The following CFAP43 variants were observed in gnomAD, a reference collection of about 807,000 sequenced individuals.
The protein encoded by CFAP43 is cilia- and flagella-associated protein 43.
A neutral mutation model predicts 218.9 loss-of-function variants in CFAP43; 155 were observed. The ratio of observed to expected loss-of-function variants is 0.71; its 90% CI spans 0.62 to 0.81. The LOEUF is 0.81. CFAP43 is among the 30% of genes least tolerant of loss of function. The pLI, the probability that CFAP43 is intolerant of heterozygous loss-of-function variation, is 0.00. For missense variants in CFAP43, 1,778 were observed against 1,954.3 expected (o/e 0.91, Z 1.70); for synonymous variants, 645 against 681.3 (o/e 0.95, Z 0.83).
At chr10:104,220,576 C>CAA (rs35218590) in intron 3 of CFAP43, among the ~76,000 whole-genome samples, 20 of 147,672 alleles carry the variant, frequency 1.4e-4, no homozygotes, top group African/African-American at 3.0e-4. Flanking sequence ...GCTATAAGAA[C>CAA]AAAAAAAAAA....
intron 3 of CFAP43, among the ~76,000 whole-genome samples, chr10:104,218,440 G>A (rs1382603156): frequency 1.3e-5 from 2 of 151,560 alleles, no homozygotes; most frequent in East Asian, 3.9e-4. Flanking sequence ...TTCTTCCAAG[G>A]TAATAATGTG....
At chr10:104,141,680 A>G (rs2087713013) in intron 33 of CFAP43, among the ~76,000 whole-genome samples, 1 of 152,192 alleles carries the variant, frequency 6.6e-6, no homozygotes, top group Non-Finnish European at 1.5e-5. Flanking sequence ...TTCTGATACT[A>G]TACTAACAAT....
At chr10:104,160,732 A>G (rs542814972) in intron 27 of CFAP43, among the ~76,000 whole-genome samples, 36 of 152,358 alleles carry the variant, frequency 2.4e-4, no homozygotes, top group African/African-American at 7.7e-4. Flanking sequence ...TGACTTGAAC[A>G]TGTTGTATTA....
chr10:104,179,915 A>G lies in CFAP43; in HGVS notation c.2307T>C (p.Thr769=). The change falls in exon 18 of 38, where the codon ACT becomes ACC. Residue 769 remains threonine, a synonymous_variant. Coordinates refer to ENST00000357060, the MANE Select transcript of CFAP43 (RefSeq NM_025145.7). ...GAACTAATTCATCTTGTGATAAGTC[A>G]GTGCTTGCCTTCTGTTTCTGATACA... The part of the protein sequence containing the change: ...DSEHTKQKAS[T]DLSQDELVLT... The G allele has an allele frequency of 6.2e-7, 1 of 1,613,564 alleles. No homozygotes were observed. The highest frequency in any genetic ancestry group is 8.5e-7 in the Non-Finnish European group (1 of 1,179,784).
intron 36 of CFAP43, 47 bp downstream of exon 36, chr10:104,132,069 T>C (rs775768099): frequency 2.9e-6 from 4 of 1,392,518 alleles, no homozygotes; most frequent in Non-Finnish European, 3.9e-6. Flanking sequence ...TTTGCTCAAA[T>C]GATTTACAAC....
chr10:104,206,641 C>T (rs2090698507), intron 6 of CFAP43, among the ~76,000 whole-genome samples: 1 of 152,118 alleles, frequency 6.6e-6, no homozygotes, highest in South Asian at 2.1e-4. Context: ...TGAAGTCCAT[C>T]CTAAAGTTGT....
At chr10:104,142,450 C>T in intron 32 of CFAP43, 57 bp from the exon 33 acceptor site, 1 of 1,322,736 alleles carries the variant, frequency 7.6e-7, no homozygotes, top group South Asian at 1.3e-5. Flanking sequence ...TTTTAGACAA[C>T]ATACATCTTT....
chr10:104,186,797 TAGAC>T (rs1283541702), intron 14 of CFAP43, among the ~76,000 whole-genome samples: 2 of 152,030 alleles, frequency 1.3e-5, no homozygotes, highest in African/African-American at 4.8e-5. Context: ...TCAAAGTGGG[TAGAC>T]AGACATCAAG....
chr10:104,181,681 CT>C (rs1056294646), intron 17 of CFAP43, among the ~76,000 whole-genome samples: 2 of 152,194 alleles, frequency 1.3e-5, no homozygotes, highest in African/African-American at 4.8e-5. Flanking sequence ...ACGCCAAGCT[CT>C]TTCCCCCTTT....
At chr10:104,135,712 G>T (rs1048741377) in intron 34 of CFAP43, among the ~76,000 whole-genome samples, 1 of 151,986 alleles carries the variant, frequency 6.6e-6, no homozygotes, top group Non-Finnish European at 1.5e-5. Flanking sequence ...ATTACTGAAA[G>T]AATATAAAGA....
rs2087957865 is a variant in CFAP43, at chr10:104,146,181, A to G, written c.3855+82T>C. 3 of 1,096,348 alleles carry G rather than the reference A, an allele frequency of 2.7e-6. No individual in the cohort carries two copies. In the Admixed American group the frequency reaches 5.7e-5, roughly 21 times the overall value. The allele number at this position is 1,096,348 out of a possible 1,614,324, so 67.9% of individuals were successfully genotyped here. A position where few individuals can be genotyped will look rare whatever the true frequency, so the allele number is the denominator to read the frequency against. On this transcript the variant is annotated intron_variant, in intron 30 of 37. Transcript: ENST00000357060. ...GGAGAAAAATCTGTGAGAAAATTAT[A>G]TTATATCCCCTTTAACCTTCCTCCA...
chr10:104,154,475 G>C (rs2088435721), intron 27 of CFAP43, among the ~76,000 whole-genome samples: 1 of 152,168 alleles, frequency 6.6e-6, no homozygotes, highest in Non-Finnish European at 1.5e-5. Flanking sequence ...ACACATCTCA[G>C]GGTCATTTGC....
At chr10:104,230,493 A>G in intron 2 of CFAP43, 97 bp downstream of exon 2, 1 of 1,466,278 alleles carries the variant, frequency 6.8e-7, no homozygotes, top group Non-Finnish European at 9.2e-7. Context: ...AAACAAAAAA[A>G]ACCTTTCAAA....
intron 16 of CFAP43, among the ~76,000 whole-genome samples, chr10:104,183,438 G>A (rs1183064966): frequency 1.3e-5 from 2 of 150,050 alleles, no homozygotes; most frequent in Non-Finnish European, 3.0e-5. Context: ...GCCGGACTGC[G>A]GACTGCAGTG....
Position 104,162,334 on chromosome 10 carries a change from G to C in CFAP43, c.3316C>G (p.His1106Asp), listed in dbSNP as rs2088922673. ...CTACATGCCTGTATCAGAAGCCAGT[G>C]CTCCTTTTCATGATTCACGATCAAT... The part of the protein sequence containing the change: ...KELIVNHEKE[H>D]WLLIQDASTR... Residue 1106 changes from histidine (H) to aspartate (D), a missense_variant, in exon 25 of 38, where the codon CAC (histidine) becomes GAC (aspartate). Around this residue, in one of 3 missense-constraint regions of CFAP43, gnomAD observed 1,553 missense variants for 1,685.2 expected, o/e 0.92. Coordinates refer to ENST00000357060, the MANE Select transcript of CFAP43 (RefSeq NM_025145.7). The C allele has an allele frequency of 2.5e-6, 4 of 1,613,942 alleles. No homozygotes were observed. Among genetic ancestry groups the C allele is most frequent in the Non-Finnish European group, 3.4e-6 (4 of 1,179,920 alleles).
chr10:104,205,407 G>A (rs1196341362), intron 7 of CFAP43, among the ~76,000 whole-genome samples: 2 of 152,074 alleles, frequency 1.3e-5, no homozygotes, highest in Non-Finnish European at 2.9e-5. Context: ...GTCTGTAAAA[G>A]GAGGATGTCA....
At chr10:104,143,753 A>G (rs1392681169) in intron 31 of CFAP43, 114 bp from the exon 32 acceptor site, 1 of 1,005,128 alleles carries the variant, frequency 9.9e-7, no homozygotes, top group African/African-American at 1.6e-5. Context: ...TCCCTTTGCC[A>G]TGTGATGGCT....
chr10:104,132,056 T>G, intron 36 of CFAP43, 60 bp downstream of exon 36: 1 of 1,291,374 alleles, frequency 7.7e-7, no homozygotes, highest in Middle Eastern at 1.9e-4. Flanking sequence ...GAAACACTAT[T>G]ACTTTGCTCA....
chr10:104,139,672 C>T (rs978911574), intron 34 of CFAP43, among the ~76,000 whole-genome samples: 1 of 151,894 alleles, frequency 6.6e-6, no homozygotes, highest in Admixed American at 6.5e-5. Flanking sequence ...AAAACTTTTT[C>T]AGATAAAGAA....
Sources: allele counts gnomAD v4.1 joint callset (sites outside exome capture counted in the v4.1 genomes callset), GRCh38; gene constraint gnomAD v4.1.1; regional missense constraint gnomAD v4.1.1; transcripts MANE v1.5; gene names NCBI Gene and HGNC (gene_info 2026-07-23, HGNC 2026-07-21).